ADAMTS14: variants seen among roughly 807,000 people sequenced by gnomAD.
ADAMTS14 encodes the protein ADAM metallopeptidase with thrombospondin type 1 motif 14.
A neutral mutation model predicts 128.6 loss-of-function variants in ADAMTS14; 100 were observed. The observed-to-expected ratio is 0.78, with a 90% confidence interval of 0.66 to 0.92. ADAMTS14 has a LOEUF of 0.92. ADAMTS14 is among the 40% of genes least tolerant of loss of function. The pLI is 0.00. For missense variants in ADAMTS14, 1,562 were observed against 1,658.6 expected (o/e 0.94, Z 1.01); for synonymous variants, 665 against 653.8 (o/e 1.02, Z -0.26).
In ADAMTS14 at chr10:70,702,385, C is replaced by T; in HGVS notation, c.596C>T (p.Ala199Val). Residue 199 changes from alanine (A) to valine (V), a missense_variant, in exon 3 of 22, where the codon GCC (alanine) becomes GTC (valine). Coordinates refer to ENST00000373207, the MANE Select transcript of ADAMTS14 (RefSeq NM_080722.4). ...GAGCGGGGCCAGCAGGAGAAGGAGG[C>T]CAGCGGGAGGACACATGTGGTGTAC... ...PLERGQQEKE[A>V]SGRTHVVYRR... 1.2e-6 allele frequency: 2 copies of T among 1,614,156 alleles called. No homozygotes were observed. The highest frequency in any genetic ancestry group is 2.2e-5 in the South Asian group (2 of 91,066).
Position 70,734,043 on chromosome 10 carries a change from C to T in ADAMTS14, c.1352+15C>T, listed in dbSNP as rs373985454. On this transcript the variant is annotated intron_variant, in intron 8 of 21. Coordinates refer to ENST00000373207, the MANE Select transcript of ADAMTS14 (RefSeq NM_080722.4). ...CGCTACCTCCCGTAGGTCATTCCTG[C>T]CCTCAGAGCTGGGATAGGGGAGCAT... The T allele has an allele frequency of 6.2e-7, 1 of 1,609,608 alleles. No homozygotes were observed. The highest frequency in any genetic ancestry group is 2.2e-5 in the East Asian group (1 of 44,840).
intron 2 of ADAMTS14, among the ~76,000 whole-genome samples, chr10:70,686,253 G>A (rs1564519523): frequency 6.7e-6 from 1 of 149,174 alleles, no homozygotes; most frequent in East Asian, 2.0e-4. Flanking sequence ...ACGGGTGGCT[G>A]AAGGCCTTTG....
At chr10:70,708,828 C>T (rs117280157) in intron 4 of ADAMTS14, 50 bp downstream of exon 4, 6 of 829,442 alleles carry the variant, frequency 7.2e-6, no homozygotes, top group African/African-American at 4.9e-5. Flanking sequence ...TGGGGTGGGC[C>T]CCACCCCACC....
chr10:70,739,111 T>C, intron 11 of ADAMTS14, 121 bp downstream of exon 11: 2 of 1,235,584 alleles, frequency 1.6e-6, no homozygotes, highest in Non-Finnish European at 1.1e-6. Flanking sequence ...TGGTTGTGTA[T>C]GCTAACGCAT....
chr10:70,752,085 C>A lies in ADAMTS14; in HGVS notation c.2597-10C>A, dbSNP rs764070214. On this transcript the variant is annotated splice_polypyrimidine_tract_variant and intron_variant, in intron 17 of 21. Transcript: ENST00000373207. ...TGGACTAGGCCCACGGCAGCCTGCC[C>A]ACCCCATAGGGATCCAGTTCACCAA... is the stretch of plus-strand genomic sequence containing the variant. The A allele has an allele frequency of 4.3e-6, 7 of 1,609,520 alleles. No homozygotes were observed. The highest frequency in any genetic ancestry group is 5.9e-6 in the Non-Finnish European group (7 of 1,178,074).
chr10:70,726,850 C>T (rs76457726), intron 4 of ADAMTS14, among the ~76,000 whole-genome samples: 9,519 of 151,932 alleles, frequency 0.063, 443 homozygotes, highest in Non-Finnish European at 0.096. Flanking sequence ...ATTGTCTCTA[C>T]GCATTGGAGC....
chr10:70,684,846 GT>G (rs1564518901), intron 2 of ADAMTS14, among the ~76,000 whole-genome samples: 1 of 104,056 alleles, frequency 9.6e-6, no homozygotes, highest in Non-Finnish European at 2.5e-5. Flanking sequence ...CCGGGCCTGG[GT>G]CCTGGGTCCT....
At chr10:70,702,013 G>A (rs1840507803) in intron 2 of ADAMTS14, among the ~76,000 whole-genome samples, 1 of 152,172 alleles carries the variant, frequency 6.6e-6, no homozygotes, top group Admixed American at 6.5e-5. Flanking sequence ...AGCAATGGAA[G>A]CTCTGATGTA....
At chr10:70,691,790 A>G (rs1228134645) in intron 2 of ADAMTS14, among the ~76,000 whole-genome samples, 1 of 152,108 alleles carries the variant, frequency 6.6e-6, no homozygotes, top group East Asian at 1.9e-4. Flanking sequence ...ATGAAGTAAG[A>G]GGCGTGCGGT....
intron 2 of ADAMTS14, among the ~76,000 whole-genome samples, chr10:70,684,478 T>C (rs575778109): frequency 6.6e-6 from 1 of 152,306 alleles, no homozygotes; most frequent in South Asian, 2.1e-4. Context: ...TGTAAAGAGA[T>C]GGTGCACAGA....
chr10:70,705,058 T>C (rs919297198), intron 3 of ADAMTS14, among the ~76,000 whole-genome samples: 4 of 151,794 alleles, frequency 2.6e-5, no homozygotes, highest in Non-Finnish European at 5.9e-5. Context: ...TACACACACA[T>C]GCTCATATAC....
At chr10:70,712,502 A>G (rs1011528312) in intron 4 of ADAMTS14, among the ~76,000 whole-genome samples, 1 of 152,264 alleles carries the variant, frequency 6.6e-6, no homozygotes, top group Non-Finnish European at 1.5e-5. Context: ...CAGATGTTAT[A>G]ACTCGTTCAA....
At chr10:70,752,071 C>T in intron 17 of ADAMTS14, 24 bp from the exon 18 acceptor site, 2 of 1,598,340 alleles carry the variant, frequency 1.3e-6, no homozygotes, top group Non-Finnish European at 1.7e-6. Flanking sequence ...GGACTAGGCC[C>T]ACGGCAGCCT....
chr10:70,681,370 T>C (rs985360881), intron 2 of ADAMTS14, among the ~76,000 whole-genome samples: 4 of 152,162 alleles, frequency 2.6e-5, no homozygotes, highest in Admixed American at 2.6e-4. Context: ...AAGGAAATCC[T>C]GTGTCTCTGC....
intron 2 of ADAMTS14, among the ~76,000 whole-genome samples, chr10:70,677,551 T>G (rs1296964175): frequency 6.6e-6 from 1 of 152,146 alleles, no homozygotes; most frequent in Admixed American, 6.5e-5. Flanking sequence ...ACTGAGGCTC[T>G]AGGAAGTGAC....
At chr10:70,728,211 A>G (rs998837770) in intron 4 of ADAMTS14, among the ~76,000 whole-genome samples, 5 of 152,356 alleles carry the variant, frequency 3.3e-5, no homozygotes, top group Admixed American at 6.5e-5. Flanking sequence ...AGGCTTTTAA[A>G]TGTATTGAAT....
chr10:70,735,744 A>G (rs1589316731), intron 9 of ADAMTS14, among the ~76,000 whole-genome samples: 1 of 152,184 alleles, frequency 6.6e-6, no homozygotes, highest in East Asian at 1.9e-4. Context: ...CCTGTGCCTG[A>G]GGACATAGAT....
chr10:70,721,036 T>C (rs926340774), intron 4 of ADAMTS14, among the ~76,000 whole-genome samples: 8 of 144,464 alleles, frequency 5.5e-5, no homozygotes, highest in African/African-American at 2.1e-4. Flanking sequence ...TTTTTTTTTT[T>C]TTTTTTGAGA....
intron 14 of ADAMTS14, 35 bp downstream of exon 14, chr10:70,744,224 C>T: frequency 6.7e-7 from 1 of 1,483,644 alleles, no homozygotes; most frequent in Non-Finnish European, 9.0e-7. Context: ...ATGACGAGGG[C>T]TGACTGGAGT....
Sources: gnomAD v4.1 joint callset for allele counts (sites outside exome capture counted in the v4.1 genomes callset) on GRCh38, gnomAD v4.1.1 for gene constraint, MANE v1.5 for transcripts, NCBI Gene and HGNC (gene_info 2026-07-23, HGNC 2026-07-21) for gene names.